The following MATCAP2 variants were observed in gnomAD, a reference collection of about 807,000 sequenced individuals.
MATCAP2 encodes the protein putative tyrosine carboxypeptidase MATCAP2.
At chr7:36,376,421 T>C in the MATCAP2 span, among the ~76,000 whole-genome samples, 2 of 152,262 alleles carry the variant, frequency 1.3e-5, no homozygotes, top group Non-Finnish European at 2.9e-5. Context: ...TTCTTAATCC[T>C]GAGTTCTAAT....
chr7:36,336,185 T>G, the MATCAP2 span: 1 of 1,536,550 alleles, frequency 6.5e-7, no homozygotes, highest in Non-Finnish European at 8.7e-7. Context: ...CATCATGTAC[T>G]TCCTAACGTG....
the MATCAP2 span, among the ~76,000 whole-genome samples, chr7:36,382,169 T>C: frequency 6.6e-6 from 1 of 150,970 alleles, no homozygotes; most frequent in African/African-American, 2.4e-5. Flanking sequence ...TAGCCGGGCA[T>C]GGTGGTGGGT....
the MATCAP2 span, among the ~76,000 whole-genome samples, chr7:36,361,385 CAA>C: frequency 1.3e-5 from 2 of 152,162 alleles, no homozygotes; most frequent in Non-Finnish European, 2.9e-5. Flanking sequence ...TCACCAGAAA[CAA>C]AGCCTGGTGG....
the MATCAP2 span, among the ~76,000 whole-genome samples, chr7:36,378,707 G>A: frequency 5.3e-5 from 8 of 152,222 alleles, no homozygotes; most frequent in Non-Finnish European, 1.0e-4. Context: ...CCCCAGAGTT[G>A]GAGTCTACAG....
chr7:36,384,341 A>C, the MATCAP2 span, among the ~76,000 whole-genome samples: 2 of 152,326 alleles, frequency 1.3e-5, no homozygotes, highest in Non-Finnish European at 2.9e-5. Context: ...TAACTTGGGA[A>C]GTTTTGTGTT....
chr7:36,360,737 G>C, the MATCAP2 span, among the ~76,000 whole-genome samples: 186 of 152,174 alleles, frequency 1.2e-3, no homozygotes, highest in Middle Eastern at 3.4e-3. Flanking sequence ...AAAGACTTTT[G>C]AACATGGTTA....
the MATCAP2 span, chr7:36,336,346 G>C: frequency 3.8e-6 from 5 of 1,309,102 alleles, no homozygotes; most frequent in Middle Eastern, 1.9e-4. Context: ...ATATTACTTT[G>C]AGATGTCATA....
the MATCAP2 span, among the ~76,000 whole-genome samples, chr7:36,365,609 G>A: frequency 6.6e-6 from 1 of 152,158 alleles, no homozygotes; most frequent in African/African-American, 2.4e-5. Flanking sequence ...TGAGGCAGGA[G>A]AATCGCTTGA....
chr7:36,379,839 C>CAGAGAGAG, the MATCAP2 span, among the ~76,000 whole-genome samples: 16 of 131,592 alleles, frequency 1.2e-4, no homozygotes, highest in South Asian at 8.1e-4. Flanking sequence ...CACACACACA[C>CAGAGAGAG]ACACACACAG....
At chr7:36,370,672 G>T in the MATCAP2 span, among the ~76,000 whole-genome samples, 2 of 152,044 alleles carry the variant, frequency 1.3e-5, no homozygotes, top group African/African-American at 2.4e-5. Flanking sequence ...GTAGAGACAG[G>T]GTTTTACCAT....
At chr7:36,333,099 T>TCCTG in the MATCAP2 span, among the ~76,000 whole-genome samples, 1 of 152,052 alleles carries the variant, frequency 6.6e-6, no homozygotes, top group African/African-American at 2.4e-5. Flanking sequence ...ACTTAAACGT[T>TCCTG]CCTGCCTGCC....
chr7:36,337,098 C>CAA, the MATCAP2 span, among the ~76,000 whole-genome samples: 10 of 18,528 alleles, frequency 5.4e-4, 3 homozygotes, highest in African/African-American at 1.6e-3. Context: ...AACTCCATCT[C>CAA]AAAAAAAAAA....
chr7:36,378,316 C>A, the MATCAP2 span, among the ~76,000 whole-genome samples: 8 of 152,316 alleles, frequency 5.3e-5, no homozygotes, highest in East Asian at 1.4e-3. Flanking sequence ...TGTTAGTTTT[C>A]CTTCTAACAG....
chr7:36,340,149 T>C, the MATCAP2 span, among the ~76,000 whole-genome samples: 1 of 152,252 alleles, frequency 6.6e-6, no homozygotes, highest in Admixed American at 6.5e-5. Context: ...ATTATAGGCA[T>C]GAGCCACCGC....
At chr7:36,337,481 T>A in the MATCAP2 span, among the ~76,000 whole-genome samples, 10 of 152,142 alleles carry the variant, frequency 6.6e-5, no homozygotes, top group Non-Finnish European at 1.5e-5. Context: ...TTACATGAAT[T>A]GTGTAAGAAC....
the MATCAP2 span, among the ~76,000 whole-genome samples, chr7:36,380,446 C>T: frequency 2.0e-5 from 3 of 152,146 alleles, no homozygotes; most frequent in Non-Finnish European, 4.4e-5. Context: ...AATTTCTTGT[C>T]TTTTTCTGGC....
At chr7:36,351,479 T>C in the MATCAP2 span, among the ~76,000 whole-genome samples, 1 of 152,160 alleles carries the variant, frequency 6.6e-6, no homozygotes, top group East Asian at 1.9e-4. Flanking sequence ...TGTGTTGCTC[T>C]GGTGTAGGGA....
At chr7:36,371,340 T>C in the MATCAP2 span, among the ~76,000 whole-genome samples, 1 of 152,146 alleles carries the variant, frequency 6.6e-6, no homozygotes, top group African/African-American at 2.4e-5. Flanking sequence ...TTTGAACTCC[T>C]GGACTCAAGC....
At chr7:36,334,984 A>C in the MATCAP2 span, 1 of 1,483,334 alleles carries the variant, frequency 6.7e-7, no homozygotes, top group Non-Finnish European at 9.1e-7. Flanking sequence ...CTTCTAAAAG[A>C]ACATTTCTTT....
Sources: allele counts gnomAD v4.1 joint callset (sites outside exome capture counted in the v4.1 genomes callset), GRCh38; gene constraint gnomAD v4.1.1; transcripts MANE v1.5; gene names NCBI Gene and HGNC (gene_info 2026-07-23, HGNC 2026-07-21).